Variants in VPS50 observed in about 807,000 individuals in gnomAD.
VPS50 encodes the protein VPS50 subunit of EARP/GARPII complex.
VPS50 carries 70 observed loss-of-function variants against 139.7 expected under a neutral mutation model. The ratio of observed to expected loss-of-function variants is 0.50; its 90% CI spans 0.41 to 0.61. The LOEUF is 0.61. Ranked by LOEUF, VPS50 falls within the 20% of genes least tolerant of loss-of-function variation. The pLI is 0.00. For synonymous variants in VPS50, 365 were observed against 376.7 expected, an observed-to-expected ratio of 0.97 and a Z score of 0.36; for missense variants, 921 against 1,133.7, an observed-to-expected ratio of 0.81 and a Z score of 2.69.
intron 1 of VPS50, 127 bp downstream of exon 1, chr7:93,232,627 G>A: frequency 1.2e-6 from 1 of 830,594 alleles, no homozygotes; most frequent in Non-Finnish European, 2.0e-6. Flanking sequence ...CAGGGGGACT[G>A]GGAAGCCGGG....
intron 11 of VPS50, 173 bp downstream of exon 11, chr7:93,272,906 A>G: frequency 2.2e-6 from 1 of 455,710 alleles, no homozygotes; most frequent in Non-Finnish European, 3.9e-6. Flanking sequence ...CAGAGGGTAT[A>G]TAATGTGGTT....
At chr7:93,346,494 C>G (rs1324469549) in intron 23 of VPS50, among the ~76,000 whole-genome samples, 10 of 152,012 alleles carry the variant, frequency 6.6e-5, no homozygotes, top group Admixed American at 6.5e-4. Context: ...CATATGGAAC[C>G]AAAAAAGAGC....
intron 23 of VPS50, among the ~76,000 whole-genome samples, chr7:93,344,151 GA>G (rs1261861011): frequency 6.6e-6 from 1 of 151,766 alleles, no homozygotes; most frequent in Non-Finnish European, 1.5e-5. Context: ...CAAGCAAATC[GA>G]AAACAAAAAA....
At chr7:93,272,461 T>C (rs1032911908) in intron 10 of VPS50, among the ~76,000 whole-genome samples, 174 bp from the exon 11 acceptor site, 1 of 151,932 alleles carries the variant, frequency 6.6e-6, no homozygotes, top group African/African-American at 2.4e-5. Flanking sequence ...CTAATAAATT[T>C]ACAATTGCAA....
rs1448295711 is a variant in VPS50 at position 93,262,023 on chromosome 7, CAG to C, written c.659+2393_659+2394del. ...AGGTGAGGAAATTTTGTGATGAGGACAGATGCAGAATTAAGAAGAGGAAACCT... is the reference window on the plus strand; with the variant it reads ...AGGTGAGGAAATTTTGTGATGAGGACATGCAGAATTAAGAAGAGGAAACCT... On this transcript the variant is annotated intron_variant, in intron 9 of 27. Transcript: ENST00000305866. 5.3e-5 allele frequency among the ~76,000 whole-genome samples: 8 copies of C among 152,146 alleles called. No homozygotes were observed. In the South Asian group the frequency reaches 1.7e-3, roughly 32 times the overall value.
In VPS50 at chr7:93,276,201, G is replaced by T. The variant is rs763920614; in HGVS notation, c.838G>T (p.Ala280Ser). Residue 280 changes from alanine (A) to serine (S), a missense_variant, in exon 12 of 28, where the codon GCC (alanine) becomes TCC (serine). Transcript: ENST00000305866. ...MDQLHMHFTQ[A>S]IHNTVFQVVL... ...TCAACTTCATATGCACTTCACCCAAGCCATTCACAACACCGTGTTTCAAGT... is the reference window on the plus strand; with the variant it reads ...TCAACTTCATATGCACTTCACCCAATCCATTCACAACACCGTGTTTCAAGT... The T allele has an allele frequency of 2.5e-6, 4 of 1,613,252 alleles. No individual in the cohort carries two copies. In the South Asian group the frequency reaches 4.4e-5, roughly 18 times the overall value.
intron 20 of VPS50, among the ~76,000 whole-genome samples, chr7:93,316,885 T>C (rs1489577795): frequency 6.6e-6 from 1 of 152,232 alleles, no homozygotes; most frequent in African/African-American, 2.4e-5. Context: ...TGAGTTTATC[T>C]TGGCAGAGGC....
At chr7:93,347,238 C>G (rs1292711367) in intron 23 of VPS50, among the ~76,000 whole-genome samples, 42 of 144,928 alleles carry the variant, frequency 2.9e-4, no homozygotes, top group Non-Finnish European at 5.9e-4. Flanking sequence ...CTCACCATCA[C>G]TGGCCATCAG....
chr7:93,295,620 T>C (rs891062281), intron 14 of VPS50, among the ~76,000 whole-genome samples: 1 of 152,228 alleles, frequency 6.6e-6, no homozygotes, highest in Non-Finnish European at 1.5e-5. Context: ...CTTGGAAGAC[T>C]ATAGACCCTT....
intron 4 of VPS50, among the ~76,000 whole-genome samples, chr7:93,255,934 C>A (rs1253704633): frequency 6.6e-6 from 1 of 152,112 alleles, no homozygotes; most frequent in Non-Finnish European, 1.5e-5. Context: ...GCCTCATGTT[C>A]AAAAATCATT....
chr7:93,324,018 T>C (rs1797694275), intron 21 of VPS50, among the ~76,000 whole-genome samples: 1 of 152,214 alleles, frequency 6.6e-6, no homozygotes, highest in Non-Finnish European at 1.5e-5. Flanking sequence ...AGGTTGCTTT[T>C]TTTAAATCTG....
intron 21 of VPS50, among the ~76,000 whole-genome samples, chr7:93,324,211 T>C (rs1313052870): frequency 6.6e-6 from 1 of 152,224 alleles, no homozygotes; most frequent in Non-Finnish European, 1.5e-5. Flanking sequence ...GTTTTCTAGA[T>C]ATACAATCAT....
chr7:93,261,772 C>A (rs1160625247), intron 9 of VPS50, among the ~76,000 whole-genome samples: 1 of 151,240 alleles, frequency 6.6e-6, no homozygotes, highest in African/African-American at 2.4e-5. Context: ...CTTCCGGGAT[C>A]AAGACTAAGG....
At chr7:93,256,472 T>A (rs201744600) in intron 4 of VPS50, 37 bp from the exon 5 acceptor site, 1 of 992,892 alleles carries the variant, frequency 1.0e-6, no homozygotes, top group African/African-American at 1.7e-5. Flanking sequence ...TGAAGTTTGT[T>A]CTTTTATTTC....
At chr7:93,253,997 A>C in intron 4 of VPS50, 66 bp downstream of exon 4, 1 of 776,562 alleles carries the variant, frequency 1.3e-6, no homozygotes, top group Non-Finnish European at 2.1e-6. Context: ...GAGAGGTATA[A>C]TGTTTGCAGA....
intron 9 of VPS50, among the ~76,000 whole-genome samples, chr7:93,269,252 A>AT (rs1267421990): frequency 3.9e-5 from 6 of 151,950 alleles, no homozygotes; most frequent in African/African-American, 1.2e-4. Context: ...TCCATTCATT[A>AT]TTTTTTTGGC....
intron 2 of VPS50, among the ~76,000 whole-genome samples, chr7:93,244,621 T>C (rs1232263323): frequency 6.6e-6 from 1 of 151,968 alleles, no homozygotes; most frequent in Non-Finnish European, 1.5e-5. Flanking sequence ...ATATACATTC[T>C]AAATAATTTT....
At chr7:93,270,749 T>C (rs547686805) in intron 9 of VPS50, among the ~76,000 whole-genome samples, 8 of 152,112 alleles carry the variant, frequency 5.3e-5, no homozygotes, top group African/African-American at 1.9e-4. Flanking sequence ...ATTTTTAATT[T>C]TTTAAAAATA....
chr7:93,284,209 C>T (rs1158123726), intron 12 of VPS50, among the ~76,000 whole-genome samples: 1 of 152,114 alleles, frequency 6.6e-6, no homozygotes, highest in Non-Finnish European at 1.5e-5. Flanking sequence ...TTTGGGCCAC[C>T]TTGCCCAACA....
Sources: allele counts gnomAD v4.1 joint callset (sites outside exome capture counted in the v4.1 genomes callset), GRCh38; gene constraint gnomAD v4.1.1; transcripts MANE v1.5; gene names NCBI Gene and HGNC (gene_info 2026-07-23, HGNC 2026-07-21).